The following CDH23 variants were observed in gnomAD, a reference collection of about 807,000 sequenced individuals.
CDH23 encodes the protein cadherin related 23.
A neutral mutation model predicts 317.1 loss-of-function variants in CDH23; 189 were observed. That is an observed-to-expected ratio of 0.60 (90% CI 0.53 to 0.67). The LOEUF is 0.67. Ranked by LOEUF, CDH23 falls within the 30% of genes least tolerant of loss-of-function variation. The probability of loss-of-function intolerance (pLI) is 0.00; values close to 1 mark genes in which losing one functional copy is unlikely to be tolerated. For missense variants in CDH23, 4,401 were observed against 4,592.4 expected, an observed-to-expected ratio of 0.96 and a Z score of 1.20; for synonymous variants, 1,839 against 1,876.8, an observed-to-expected ratio of 0.98 and a Z score of 0.52.
At chr10:71,604,296 A>G (rs1478766362) in intron 9 of CDH23, among the ~76,000 whole-genome samples, 1 of 152,214 alleles carries the variant, frequency 6.6e-6, no homozygotes, top group Non-Finnish European at 1.5e-5. Context: ...TAAAAAATAA[A>G]TAAAAAGAAT....
chr10:71,812,955 C>T (rs1320233748), intron 68 of CDH23, 65 bp downstream of exon 68: 22 of 1,593,352 alleles, frequency 1.4e-5, no homozygotes, highest in Non-Finnish European at 1.5e-5. Context: ...CTCCAGAGAA[C>T]ACAGGGTGGT....
intron 14 of CDH23, among the ~76,000 whole-genome samples, chr10:71,648,398 G>A (rs1222786490): frequency 2.6e-5 from 4 of 152,226 alleles, no homozygotes; most frequent in African/African-American, 7.2e-5. Context: ...GAGTGGAGGG[G>A]AGGCTCTGTC....
intron 9 of CDH23, among the ~76,000 whole-genome samples, chr10:71,612,250 G>GTA (rs1554845666): frequency 6.6e-6 from 1 of 151,122 alleles, no homozygotes; most frequent in Non-Finnish European, 1.5e-5. Flanking sequence ...GTGTGTGTGT[G>GTA]TATGTATGTG....
intron 6 of CDH23, among the ~76,000 whole-genome samples, chr10:71,545,571 A>G (rs904264921): frequency 6.6e-6 from 1 of 152,174 alleles, no homozygotes; most frequent in Non-Finnish European, 1.5e-5. Context: ...TCATTTATTC[A>G]TTCAAGAAAC....
intron 41 of CDH23, among the ~76,000 whole-genome samples, chr10:71,780,096 C>A (rs1840913744): frequency 6.6e-6 from 1 of 152,208 alleles, no homozygotes; most frequent in Admixed American, 6.5e-5. Context: ...CAGATCCCAG[C>A]CTGGGAGTAC....
chr10:71,753,872 TGGGTCA>T (rs1296758326), intron 38 of CDH23: 8 of 456,336 alleles, frequency 1.8e-5, no homozygotes, highest in African/African-American at 1.6e-4. Flanking sequence ...AGCCGACTCA[TGGGTCA>T]GGCTTCGTGC....
Position 71,437,277 on chromosome 10 carries a change from G to C in CDH23, c.-5-2550G>C, listed in dbSNP as rs1052884789. Among the ~76,000 whole-genome samples the C allele has an allele frequency of 3.3e-5, 5 of 152,134 alleles. No homozygotes were observed. The East Asian group carries it at 9.6e-4, about 29-fold the overall frequency. ...AATTGACCCAGCACTCCCACTGTTG[G>C]AGAACCACACTGAAGAGCCAAATCC... On this transcript the variant is annotated intron_variant, in intron 1 of 69. Transcript: ENST00000224721.
chr10:71,415,977 C>A (rs1215179580), intron 1 of CDH23, among the ~76,000 whole-genome samples: 2 of 152,144 alleles, frequency 1.3e-5, no homozygotes, highest in South Asian at 2.1e-4. Context: ...TTATTGTATA[C>A]TGTGTTCAAT....
At chr10:71,805,767 T>C (rs376787454) in intron 55 of CDH23, 39 bp from the exon 56 acceptor site, 3 of 1,573,694 alleles carry the variant, frequency 1.9e-6, no homozygotes, top group Middle Eastern at 1.7e-4. Flanking sequence ...TGAGATTCTT[T>C]CAGGGGTCCA....
intron 6 of CDH23, among the ~76,000 whole-genome samples, chr10:71,523,609 A>G (rs1016227851): frequency 6.6e-6 from 1 of 152,194 alleles, no homozygotes; most frequent in Non-Finnish European, 1.5e-5. Flanking sequence ...GAAATAAATA[A>G]ATAAGTGAGC....
chr10:71,590,505 T>C (rs1859393426), intron 9 of CDH23, among the ~76,000 whole-genome samples: 1 of 152,172 alleles, frequency 6.6e-6, no homozygotes, highest in Admixed American at 6.5e-5. Context: ...GAAGCACTTT[T>C]GAATCCATAA....
chr10:71,798,255 A>T (rs980851868), intron 49 of CDH23, 99 bp from the exon 50 acceptor site: 9 of 843,920 alleles, frequency 1.1e-5, no homozygotes, highest in Non-Finnish European at 1.6e-5. Context: ...GGGCTGTGGG[A>T]TGCTGCCATG....
intron 9 of CDH23, among the ~76,000 whole-genome samples, chr10:71,607,117 G>C (rs1860574120): frequency 6.6e-6 from 1 of 152,216 alleles, no homozygotes; most frequent in Non-Finnish European, 1.5e-5. Context: ...ATCTCATACT[G>C]ACTCCCAATT....
In CDH23 at chr10:71,724,033, A is replaced by G. The variant is rs779303743; in HGVS notation, c.3370-12A>G. The G allele has an allele frequency of 1.4e-5, 21 of 1,555,348 alleles. No homozygotes were observed. The African/African-American group carries it at 2.7e-4, about 20-fold the overall frequency. On this transcript the variant is annotated splice_polypyrimidine_tract_variant and intron_variant, in intron 28 of 69. Transcript: ENST00000224721. ...GCATTCAAGAAGTAACTCGTGTCTC[A>G]TTCTTCCTCAGCTGAAAGCCACGGA...
At chr10:71,571,011 G>A (rs1857763277) in intron 8 of CDH23, 93 bp downstream of exon 8, 2 of 1,446,608 alleles carry the variant, frequency 1.4e-6, no homozygotes. Flanking sequence ...AGTGGGCTGG[G>A]CTCCTCCTTG....
intron 3 of CDH23, among the ~76,000 whole-genome samples, chr10:71,448,640 C>G (rs1266850501): frequency 2.0e-5 from 3 of 152,184 alleles, no homozygotes; most frequent in Non-Finnish European, 4.4e-5. Flanking sequence ...ACCTTGGGCA[C>G]AGCACTGCAC....
At chr10:71,452,460 T>C (rs1040847137) in intron 3 of CDH23, among the ~76,000 whole-genome samples, 2 of 152,158 alleles carry the variant, frequency 1.3e-5, no homozygotes, top group African/African-American at 4.8e-5. Context: ...CGCACACTGT[T>C]GCACTGCCGT....
chr10:71,635,550 G>T (rs1049076631), intron 11 of CDH23, among the ~76,000 whole-genome samples: 1 of 152,164 alleles, frequency 6.6e-6, no homozygotes, highest in Non-Finnish European at 1.5e-5. Flanking sequence ...CTGTGCAGGC[G>T]TGTGTGGAAT....
chr10:71,414,802 C>A (rs1028866709), intron 1 of CDH23, among the ~76,000 whole-genome samples: 4 of 152,114 alleles, frequency 2.6e-5, no homozygotes, highest in Non-Finnish European at 5.9e-5. Context: ...AAGTTTAGAA[C>A]AATTCGATGG....
Sources: gnomAD v4.1 joint callset for allele counts (sites outside exome capture counted in the v4.1 genomes callset) on GRCh38, gnomAD v4.1.1 for gene constraint, MANE v1.5 for transcripts, NCBI Gene and HGNC (gene_info 2026-07-23, HGNC 2026-07-21) for gene names.